Variants in CALN1 observed in about 807,000 individuals in gnomAD.
The protein encoded by CALN1 is calneuron 1, also known as calcium-binding protein 8.
Under a neutral mutation model 30.6 loss-of-function variants are expected in CALN1, and 17 were observed. That is an observed-to-expected ratio of 0.56 (90% CI 0.38 to 0.83). The LOEUF is 0.83. Ranked by LOEUF, CALN1 falls within the 40% of genes least tolerant of loss-of-function variation. The probability of loss-of-function intolerance (pLI) is 0.00; values close to 1 mark genes in which losing one functional copy is unlikely to be tolerated. For synonymous variants in CALN1, 156 were observed against 131.4 expected (o/e 1.19, Z -1.28); for missense variants, 291 against 354.9 (o/e 0.82, Z 1.45).
chr7:72,489,644 A>C, the CALN1 span, among the ~76,000 whole-genome samples: 7 of 152,316 alleles, frequency 4.6e-5, no homozygotes, highest in African/African-American at 1.4e-4. Flanking sequence ...AGCAAAAAGA[A>C]AGGAGTGGGT....
chr7:72,456,921 C>A, the CALN1 span, among the ~76,000 whole-genome samples: 4 of 151,968 alleles, frequency 2.6e-5, no homozygotes, highest in Non-Finnish European at 5.9e-5. Context: ...TCTTAGAGCC[C>A]AAGTAGGTAA....
At chr7:71,958,684 A>G (rs1043131818) in intron 5 of CALN1, among the ~76,000 whole-genome samples, 5 of 152,208 alleles carry the variant, frequency 3.3e-5, no homozygotes, top group African/African-American at 1.2e-4. Context: ...AACAGGACAC[A>G]CTTCCGGACA....
chr7:72,022,601 C>T (rs1037210499), intron 5 of CALN1, among the ~76,000 whole-genome samples: 16 of 152,034 alleles, frequency 1.1e-4, no homozygotes, highest in Non-Finnish European at 1.5e-4. Context: ...GCTATGTTAC[C>T]CAGACTGGTC....
At chr7:71,984,841 C>T (rs181738674) in intron 5 of CALN1, among the ~76,000 whole-genome samples, 4 of 152,264 alleles carry the variant, frequency 2.6e-5, no homozygotes, top group African/African-American at 9.6e-5. Context: ...AGGAAATGAA[C>T]CATGGAGTTG....
intron 3 of CALN1, among the ~76,000 whole-genome samples, chr7:72,268,205 G>A (rs1001476030): frequency 4.6e-5 from 7 of 152,140 alleles, no homozygotes; most frequent in African/African-American, 1.7e-4. Flanking sequence ...GAATGAATAG[G>A]TAGGGATTTC....
intron 1 of CALN1, among the ~76,000 whole-genome samples, chr7:72,404,527 C>CT (rs1806570488): frequency 6.6e-6 from 1 of 152,210 alleles, no homozygotes; most frequent in Non-Finnish European, 1.5e-5. Context: ...ATCAGGGCCC[C>CT]ATCTGAGAGA....
chr7:72,226,335 C>A (rs1022988420), intron 3 of CALN1, among the ~76,000 whole-genome samples: 5 of 151,732 alleles, frequency 3.3e-5, no homozygotes, highest in Non-Finnish European at 5.9e-5. Context: ...ATTTCCCCAA[C>A]TGCAAAATGA....
At chr7:72,074,834 A>T (rs1804626689) in intron 4 of CALN1, among the ~76,000 whole-genome samples, 1 of 152,250 alleles carries the variant, frequency 6.6e-6, no homozygotes, top group Non-Finnish European at 1.5e-5. Flanking sequence ...TACCATGTGT[A>T]GGACATTTAG....
At chr7:72,122,489 T>G (rs914908064) in intron 3 of CALN1, among the ~76,000 whole-genome samples, 1 of 151,948 alleles carries the variant, frequency 6.6e-6, no homozygotes, top group Non-Finnish European at 1.5e-5. Context: ...GTAATCCCAG[T>G]GATTTGGGAG....
At chr7:72,371,288 T>G (rs929694808) in intron 2 of CALN1, among the ~76,000 whole-genome samples, 3 of 152,188 alleles carry the variant, frequency 2.0e-5, no homozygotes, top group African/African-American at 7.2e-5. Flanking sequence ...TATGTTTGCA[T>G]GTATGCATAT....
At chr7:72,245,186 A>G (rs1278704029) in intron 3 of CALN1, among the ~76,000 whole-genome samples, 2 of 152,200 alleles carry the variant, frequency 1.3e-5, no homozygotes, top group African/African-American at 4.8e-5. Flanking sequence ...TCAAGTTTTC[A>G]TGAATCATCT....
intron 1 of CALN1, among the ~76,000 whole-genome samples, chr7:72,409,010 C>T (rs572828161): frequency 4.0e-5 from 6 of 151,476 alleles, no homozygotes; most frequent in Admixed American, 6.6e-5. Flanking sequence ...AGGGGGGCAG[C>T]GGTGGAACAG....
upstream of CALN1, among the ~76,000 whole-genome samples, chr7:72,449,057 C>T (rs1808606428): frequency 6.6e-6 from 1 of 151,968 alleles, no homozygotes; most frequent in South Asian, 2.1e-4. Context: ...CAGAGTGAAC[C>T]CCAGATCCCA....
chr7:72,503,011 G>A, the CALN1 span, among the ~76,000 whole-genome samples: 1 of 152,146 alleles, frequency 6.6e-6, no homozygotes, highest in African/African-American at 2.4e-5. Context: ...AAATTAGCCA[G>A]ACATGGTGGC....
At chr7:71,875,392 G>A (rs779645296) in intron 5 of CALN1, among the ~76,000 whole-genome samples, 5 of 152,152 alleles carry the variant, frequency 3.3e-5, no homozygotes, top group Non-Finnish European at 5.9e-5. Flanking sequence ...CTGCAGTCCA[G>A]GAAAGCCGTG....
At chr7:72,484,791 TTGTAGGGCTTGCC>T in the CALN1 span, among the ~76,000 whole-genome samples, 820 of 152,306 alleles carry the variant, frequency 5.4e-3, 2 homozygotes, top group Non-Finnish European at 9.0e-3. Context: ...AGCTGAGCAA[TTGTAGGGCTTGCC>T]TCGTTTCTTT....
rs148204635 is a variant in CALN1 at position 72,294,958 on chromosome 7, C to T, written c.120-16148G>A. Among the ~76,000 whole-genome samples, 5 of 152,014 alleles carry T rather than the reference C, an allele frequency of 3.3e-5. No homozygotes were observed. In the South Asian group the frequency reaches 1.0e-3, roughly 31 times the overall value. On this transcript the variant is annotated intron_variant, in intron 2 of 6. Coordinates refer to ENST00000395275, the MANE Select transcript of CALN1 (RefSeq NM_031468.4). ...GTCCCCCAGAGATCCGTCAAATTAT[C>T]AAATATAAGACCACAGAGCAAACTT...
At chr7:72,489,414 C>T in the CALN1 span, among the ~76,000 whole-genome samples, 3 of 152,230 alleles carry the variant, frequency 2.0e-5, no homozygotes, top group South Asian at 2.1e-4. Context: ...TTTCTTAGTA[C>T]GATTTTTCTG....
At chr7:72,108,123 T>A (rs1432017746) in intron 3 of CALN1, among the ~76,000 whole-genome samples, 1 of 152,148 alleles carries the variant, frequency 6.6e-6, no homozygotes, top group African/African-American at 2.4e-5. Context: ...TAAGGGAAAA[T>A]CCATTTGTCT....
Sources: allele counts gnomAD v4.1 joint callset (sites outside exome capture counted in the v4.1 genomes callset), GRCh38; gene constraint gnomAD v4.1.1; transcripts MANE v1.5; gene names NCBI Gene and HGNC (gene_info 2026-07-23, HGNC 2026-07-21).